The following MTHFD2L variants were observed in gnomAD, a reference collection of about 807,000 sequenced individuals.
The protein encoded by MTHFD2L is bifunctional methylenetetrahydrofolate dehydrogenase/cyclohydrolase 2, mitochondrial.
MTHFD2L carries 29 observed loss-of-function variants against 34.9 expected under a neutral mutation model. The ratio of observed to expected loss-of-function variants is 0.83; its 90% confidence interval spans 0.62 to 1.13. MTHFD2L has a LOEUF of 1.13. Ranked by LOEUF, MTHFD2L falls within the 50% of genes most tolerant of loss-of-function variation. MTHFD2L has a pLI of 0.00. For missense variants in MTHFD2L, 481 were observed against 446.5 expected, an observed-to-expected ratio of 1.08 and a Z score of -0.70; for synonymous variants, 167 against 155.7, an observed-to-expected ratio of 1.07 and a Z score of -0.54.
intron 5 of MTHFD2L, among the ~76,000 whole-genome samples, chr4:74,203,897 GT>G (rs11335042): frequency 0.96 from 139,490 of 146,004 alleles, 66,778 homozygotes; most frequent in East Asian, 1. Context: ...CCAATTTGCA[GT>G]TTTTTTTTTT....
intron 5 of MTHFD2L, among the ~76,000 whole-genome samples, chr4:74,221,828 TA>T (rs985188558): frequency 1.0e-4 from 15 of 148,860 alleles, no homozygotes; most frequent in East Asian, 1.9e-4. Flanking sequence ...CTTTGTGCAT[TA>T]AAAAAATATT....
intron 6 of MTHFD2L, among the ~76,000 whole-genome samples, chr4:74,275,641 C>G (rs182184001): frequency 6.6e-6 from 1 of 151,942 alleles, no homozygotes; most frequent in Non-Finnish European, 1.5e-5. Context: ...GCCTTTCTGC[C>G]TGGTGTGAGA....
At chr4:74,181,679 T>C (rs1730206486) in intron 3 of MTHFD2L, 1 of 152,232 alleles carries the variant, frequency 6.6e-6, no homozygotes. Context: ...TCAAATGTTC[T>C]CTTCAGTTGT....
At chr4:74,128,110 T>C (rs1722208776) in intron 1 of MTHFD2L, among the ~76,000 whole-genome samples, 1 of 152,122 alleles carries the variant, frequency 6.6e-6, no homozygotes, top group African/African-American at 2.4e-5. Context: ...TGTTTTGCGC[T>C]ATTGAATTGT....
chr4:74,232,986 G>A (rs753800317), intron 6 of MTHFD2L, among the ~76,000 whole-genome samples: 10 of 152,080 alleles, frequency 6.6e-5, no homozygotes, highest in South Asian at 4.2e-4. Flanking sequence ...TATTTGCATC[G>A]TAACCCATAA....
chr4:74,206,144 A>G (rs1182615820), intron 5 of MTHFD2L, among the ~76,000 whole-genome samples: 1 of 152,064 alleles, frequency 6.6e-6, no homozygotes, highest in African/African-American at 2.4e-5. Flanking sequence ...TAAAAAAAAA[A>G]AAAAGGGAAG....
At chr4:74,158,096 G>A (rs1162605619), upstream of MTHFD2L, 1 of 1,531,964 alleles carries the variant, frequency 6.5e-7, no homozygotes. Context: ...GACTGGAGTC[G>A]CGGGAGGTGG....
intron 1 of MTHFD2L, among the ~76,000 whole-genome samples, chr4:74,141,018 A>G (rs570484587): frequency 1.2e-4 from 18 of 152,352 alleles, no homozygotes; most frequent in African/African-American, 4.3e-4. Context: ...CTTACCAAAT[A>G]TGACAGTACT....
intron 7 of MTHFD2L, among the ~76,000 whole-genome samples, chr4:74,288,696 C>G (rs1748501284): frequency 6.6e-6 from 1 of 152,110 alleles, no homozygotes; most frequent in African/African-American, 2.4e-5. Flanking sequence ...TTGGTGAAAT[C>G]CTAGTGTCAC....
intron 6 of MTHFD2L, chr4:74,267,375 CTTTCTTTCTTTCTTTCT>C (rs1560544626): frequency 2.8e-6 from 1 of 359,174 alleles, no homozygotes; most frequent in African/African-American, 2.5e-5. Flanking sequence ...TCTCTTTTTT[CTTTCTTTCTTTCTTTCT>C]TTTCTTTCTT....
intron 6 of MTHFD2L, among the ~76,000 whole-genome samples, chr4:74,262,134 G>C (rs1744755001): frequency 6.6e-6 from 1 of 151,720 alleles, no homozygotes; most frequent in Admixed American, 6.6e-5. Flanking sequence ...TTAAACACTG[G>C]GGAAAAACTA....
chr4:74,215,348 G>T (rs1737026526), intron 5 of MTHFD2L, among the ~76,000 whole-genome samples: 1 of 151,810 alleles, frequency 6.6e-6, no homozygotes, highest in Admixed American at 6.6e-5. Flanking sequence ...GGAATCTCCT[G>T]GTCTGCAGGT....
chr4:74,162,685 C>T (rs1210713394), intron 1 of MTHFD2L, among the ~76,000 whole-genome samples: 1 of 152,088 alleles, frequency 6.6e-6, no homozygotes, highest in Non-Finnish European at 1.5e-5. Context: ...CTTCGATCCT[C>T]ACAACAACTA....
chr4:74,252,445 A>G (rs963352510), intron 6 of MTHFD2L, among the ~76,000 whole-genome samples: 1 of 152,230 alleles, frequency 6.6e-6, no homozygotes, highest in African/African-American at 2.4e-5. Flanking sequence ...AAATAGGCAT[A>G]CAAGTGCAAA....
rs943242234 is a variant in MTHFD2L, at chr4:74,293,461, A to G, written c.932-8236A>G. The G allele has an allele frequency of 1.4e-5, 13 of 904,384 alleles. No individual in the cohort carries two copies. The African/African-American group carries it at 2.2e-4, about 15-fold the overall frequency. The allele number at this position is 904,384 out of a possible 1,614,324, so 56.0% of individuals were successfully genotyped here. On this transcript the variant is annotated intron_variant, in intron 7 of 7. Transcript: ENST00000325278. ...ACATTTCTACCACATTAGGACAATA[A>G]TCCTCTCTATTTCATTACTGACCAC...
intron 5 of MTHFD2L, among the ~76,000 whole-genome samples, chr4:74,218,136 A>ATT (rs766333038): frequency 4.0e-5 from 6 of 149,550 alleles, no homozygotes; most frequent in African/African-American, 1.5e-4. Context: ...TTTTCTATAC[A>ATT]TTTTTTTTTT....
intron 6 of MTHFD2L, chr4:74,268,280 T>C (rs1745556969): frequency 1.0e-6 from 1 of 980,784 alleles, no homozygotes; most frequent in Admixed American, 6.2e-5. Flanking sequence ...TTTTCTAATC[T>C]AGAAAGAAGC....
At chr4:74,118,171 T>A (rs566490863) in intron 2 of MTHFD2L, among the ~76,000 whole-genome samples, 10 of 152,284 alleles carry the variant, frequency 6.6e-5, no homozygotes, top group African/African-American at 2.4e-4. Flanking sequence ...TTAAGCTTAG[T>A]AAAATATCAA....
chr4:74,243,092 T>G (rs559570950), intron 6 of MTHFD2L, among the ~76,000 whole-genome samples: 1 of 152,164 alleles, frequency 6.6e-6, no homozygotes, highest in African/African-American at 2.4e-5. Context: ...AGAAGGGGAC[T>G]TGGTCAAGTG....
Sources: allele counts gnomAD v4.1 joint callset (sites outside exome capture counted in the v4.1 genomes callset), GRCh38; gene constraint gnomAD v4.1.1; transcripts MANE v1.5; gene names NCBI Gene and HGNC (gene_info 2026-07-23, HGNC 2026-07-21).